The following RFT1 variants were observed in gnomAD, a reference collection of about 807,000 sequenced individuals.
RFT1 encodes man(5)GlcNAc(2)-PP-dolichol translocation protein RFT1.
RFT1 carries 43 observed loss-of-function variants against 62.2 expected under a neutral mutation model. That is an observed-to-expected ratio of 0.69 (90% confidence interval 0.54 to 0.89). The LOEUF (loss-of-function observed/expected upper bound fraction) is 0.89, where lower values mean the gene tolerates loss of function less well. Among genes scored for constraint, RFT1 ranks in the 40% least tolerant of loss-of-function variants. RFT1 has a pLI of 0.00. For missense variants in RFT1, 605 were observed against 649.9 expected, an observed-to-expected ratio of 0.93 and a Z score of 0.75; for synonymous variants, 262 against 264.6, an observed-to-expected ratio of 0.99 and a Z score of 0.10.
At chr3:53,094,618 A>C (rs1386634830) in intron 11 of RFT1, among the ~76,000 whole-genome samples, 1 of 152,100 alleles carries the variant, frequency 6.6e-6, no homozygotes, top group Non-Finnish European at 1.5e-5. Flanking sequence ...TCTTTTCCAC[A>C]AAGCAGCAGA....
chr3:53,100,858 T>TA (rs1156807877), intron 10 of RFT1, among the ~76,000 whole-genome samples: 1 of 152,162 alleles, frequency 6.6e-6, no homozygotes, highest in Non-Finnish European at 1.5e-5. Context: ...GTTTGGTAGT[T>TA]ACATGGGATT....
Position 53,130,325 on chromosome 3 carries a change from G to C in RFT1, c.63+13C>G. 12 of 1,564,780 alleles carry C rather than the reference G, an allele frequency of 7.7e-6. No individual in the cohort carries two copies. The highest frequency in any genetic ancestry group is 1.0e-5 in the Non-Finnish European group (12 of 1,154,982). On this transcript the variant is annotated intron_variant, in intron 1 of 12. Coordinates refer to ENST00000296292, the MANE Select transcript of RFT1 (RefSeq NM_052859.4). ...GCTGCAGTACAAGCTGGAACCTGAA[G>C]GGCAGAGAGTACCTGCAGGAGGAGA...
chr3:53,100,082 T>C (rs2581830), intron 10 of RFT1, among the ~76,000 whole-genome samples: 78,519 of 152,096 alleles, frequency 0.52, 21,908 homozygotes, highest in East Asian at 0.72. Flanking sequence ...TTCCCTTTTT[T>C]CATCAGCATG....
At chr3:53,121,631 G>A (rs1394499083) in intron 5 of RFT1, 68 bp downstream of exon 5, 3 of 1,259,246 alleles carry the variant, frequency 2.4e-6, no homozygotes, top group African/African-American at 3.0e-5. Flanking sequence ...ACACGGCGGT[G>A]GGAACAAGAA....
intron 10 of RFT1, chr3:53,103,659 C>T (rs1047055756): frequency 1.2e-5 from 5 of 411,560 alleles, no homozygotes; most frequent in South Asian, 4.2e-5. Context: ...CACAGGGAAG[C>T]GCTTGGCAAA....
At chr3:53,123,498 C>G (rs1374803120) in intron 3 of RFT1, among the ~76,000 whole-genome samples, 2 of 152,208 alleles carry the variant, frequency 1.3e-5, no homozygotes, top group Non-Finnish European at 2.9e-5. Flanking sequence ...CCCAGAAACC[C>G]CAACCCAGAA....
intron 11 of RFT1, among the ~76,000 whole-genome samples, chr3:53,098,600 A>T (rs1195788755): frequency 6.6e-6 from 1 of 152,056 alleles, no homozygotes; most frequent in Non-Finnish European, 1.5e-5. Flanking sequence ...CAGGAGATCG[A>T]GACCAACCTG....
At chr3:53,076,228 A>G in the RFT1 span, among the ~76,000 whole-genome samples, 6 of 152,124 alleles carry the variant, frequency 3.9e-5, no homozygotes, top group Admixed American at 6.5e-5. Flanking sequence ...CTAGGCCTGC[A>G]TTTCCACCCG....
At chr3:53,095,260 T>C (rs1701109489) in intron 11 of RFT1, among the ~76,000 whole-genome samples, 1 of 151,590 alleles carries the variant, frequency 6.6e-6, no homozygotes, top group Non-Finnish European at 1.5e-5. Flanking sequence ...AGACTCCGTC[T>C]TAAAAAAAAA....
chr3:53,085,254 C>A (rs528338925), downstream of RFT1, among the ~76,000 whole-genome samples: 1 of 152,164 alleles, frequency 6.6e-6, no homozygotes, highest in Non-Finnish European at 1.5e-5. Flanking sequence ...ACGGTGAAGC[C>A]GGGAGAAGCA....
intron 11 of RFT1, among the ~76,000 whole-genome samples, chr3:53,094,776 T>C (rs1232177994): frequency 1.3e-5 from 2 of 151,806 alleles, no homozygotes; most frequent in East Asian, 1.9e-4. Context: ...AGTTAATTCA[T>C]GCTAATTCAA....
In RFT1 at chr3:53,119,824, C is replaced by A. The variant is rs200581678; in HGVS notation, c.696+60G>T. 952 of 1,448,002 alleles carry A rather than the reference C, an allele frequency of 6.6e-4. 3 individuals carry two copies. Among genetic ancestry groups the A allele is most frequent in the Non-Finnish European group, 8.5e-4 (896 of 1,054,074 alleles). The allele number at this position is 1,448,002 out of a possible 1,614,324, so 89.7% of individuals were successfully genotyped here. A position where few individuals can be genotyped will look rare whatever the true frequency, so the allele number is the denominator to read the frequency against. The stretch of plus-strand genomic sequence containing the variant: ...ACAATAAACCAGTTGCAGTTTCTTT[C>A]TCTCAAGGATAAGCAGCACCTATGA... On this transcript the variant is annotated intron_variant, in intron 6 of 12. Coordinates refer to ENST00000296292, the MANE Select transcript of RFT1 (RefSeq NM_052859.4).
At chr3:53,102,023 T>G (rs531461945) in intron 10 of RFT1, among the ~76,000 whole-genome samples, 1 of 145,638 alleles carries the variant, frequency 6.9e-6, no homozygotes, top group Non-Finnish European at 1.5e-5. Flanking sequence ...GGTGATAGAG[T>G]GAGACTTCAT....
At position 53,103,948 on chromosome 3, in the gene RFT1, C is replaced by G; in HGVS notation, c.1102+5G>C. 6.2e-7 allele frequency: 1 copy of G among 1,614,134 alleles called. No individual in the cohort carries two copies. Among genetic ancestry groups the G allele is most frequent in the African/African-American group, 1.3e-5 (1 of 75,052 alleles). On this transcript the variant is annotated splice_donor_5th_base_variant and intron_variant, in intron 10 of 12. Transcript: ENST00000296292. Reference sequence around the variant, plus strand: ...GAAAAAATCCAGAAAAACTCTTGTGCGTACCGGATCCTGAGCTAAGCATGG... The same window carrying G: ...GAAAAAATCCAGAAAAACTCTTGTGGGTACCGGATCCTGAGCTAAGCATGG...
At position 53,122,049 on chromosome 3, in the gene RFT1, G is replaced by C. The variant is rs3796351; in HGVS notation, c.457-249C>G. Among the ~76,000 whole-genome samples the C allele has an allele frequency of 0.26, 39,958 of 152,084 alleles. 5,649 individuals carry two copies. Among genetic ancestry groups the C allele is most frequent in the Middle Eastern group, 0.4 (117 of 294 alleles). ...TGTAATCTATTATAAAAGATGAAGA[G>C]AGAAAAGTTAATGTTAGTATACAAC... is the stretch of plus-strand genomic sequence containing the variant. On this transcript the variant is annotated intron_variant, in intron 4 of 12. Transcript: ENST00000296292.
chr3:53,101,198 G>A (rs1008621158), intron 10 of RFT1, among the ~76,000 whole-genome samples: 2 of 152,196 alleles, frequency 1.3e-5, no homozygotes, highest in African/African-American at 4.8e-5. Context: ...CAGATTCCAT[G>A]TTTATCACCT....
intron 1 of RFT1, among the ~76,000 whole-genome samples, chr3:53,129,438 A>C (rs1702197084): frequency 6.6e-6 from 1 of 152,114 alleles, no homozygotes; most frequent in African/African-American, 2.4e-5. Context: ...ACAAGGCCCA[A>C]ACTCAAGCCC....
At chr3:53,098,319 G>C (rs1034398393) in intron 11 of RFT1, among the ~76,000 whole-genome samples, 1 of 152,172 alleles carries the variant, frequency 6.6e-6, no homozygotes, top group African/African-American at 2.4e-5. Flanking sequence ...GAGACCTGCT[G>C]GTCTGGACTC....
intron 11 of RFT1, among the ~76,000 whole-genome samples, chr3:53,094,730 A>C (rs1158552526): frequency 6.6e-6 from 1 of 151,848 alleles, no homozygotes; most frequent in Non-Finnish European, 1.5e-5. Flanking sequence ...TCATTCCCCA[A>C]CTCCGAGTAA....
Sources: allele counts gnomAD v4.1 joint callset (sites outside exome capture counted in the v4.1 genomes callset), GRCh38; gene constraint gnomAD v4.1.1; transcripts MANE v1.5; gene names NCBI Gene and HGNC (gene_info 2026-07-23, HGNC 2026-07-21).